LRCH2: variants seen among roughly 807,000 people sequenced by gnomAD.
LRCH2 encodes the protein leucine rich repeats and calponin homology domain containing 2, also known as leucine-rich repeat and calponin homology domain-containing protein 2.
Under a neutral mutation model 68.9 loss-of-function variants are expected in LRCH2, and 38 were observed. That is an observed-to-expected ratio of 0.55 (90% CI 0.43 to 0.72). The LOEUF (loss-of-function observed/expected upper bound fraction) is 0.72. Among genes scored for constraint, LRCH2 ranks in the 30% least tolerant of loss-of-function variants. The pLI is 0.00. For missense variants in LRCH2, 528 were observed against 572.9 expected, an observed-to-expected ratio of 0.92 and a Z score of 0.80; for synonymous variants, 191 against 208.1, an observed-to-expected ratio of 0.92 and a Z score of 0.71.
chrX:115,155,378 C>G (rs782338365), intron 12 of LRCH2, among the ~76,000 whole-genome samples: 1 of 109,918 alleles, frequency 9.1e-6, no homozygotes, highest in Admixed American at 9.8e-5. Context: ...AGCAAACCAT[C>G]AGAGCACATG....
intron 1 of LRCH2, among the ~76,000 whole-genome samples, chrX:115,232,278 G>C (rs1167938482): frequency 9.3e-6 from 1 of 107,558 alleles, no homozygotes; most frequent in Non-Finnish European, 1.9e-5. Context: ...GGAAGAAGAA[G>C]AAAAGAAAAA....
At chrX:115,119,067 G>T (rs1206676517) in intron 20 of LRCH2, among the ~76,000 whole-genome samples, 6 of 111,386 alleles carry the variant, frequency 5.4e-5, no homozygotes, top group Non-Finnish European at 9.4e-5. Context: ...ATATTATAAT[G>T]AATGGGCAAA....
At chrX:115,198,157 G>C (rs1446242814) in intron 1 of LRCH2, among the ~76,000 whole-genome samples, 7 of 107,673 alleles carry the variant, frequency 6.5e-5, no homozygotes, top group African/African-American at 2.4e-4. Flanking sequence ...AATTGAGACT[G>C]CATAAAATGA....
chrX:115,163,981 G>A (rs989283477), intron 10 of LRCH2, among the ~76,000 whole-genome samples, 198 bp from the exon 11 acceptor site: 21 of 111,942 alleles, frequency 1.9e-4, no homozygotes, highest in African/African-American at 6.5e-4. Context: ...CATACTGGCT[G>A]TATTAATATA....
chrX:115,185,169 C>T (rs1308337052), intron 2 of LRCH2, among the ~76,000 whole-genome samples: 1 of 112,166 alleles, frequency 8.9e-6, no homozygotes, highest in East Asian at 2.8e-4. Context: ...AATATAATAA[C>T]TAACATTTAC....
intron 1 of LRCH2, among the ~76,000 whole-genome samples, chrX:115,203,149 C>T (rs782638717): frequency 3.4e-4 from 38 of 111,361 alleles, no homozygotes; most frequent in African/African-American, 1.0e-3. Flanking sequence ...CACAAGATGG[C>T]AGGCAGGGCA....
chrX:115,183,060 G>A (rs1364184494), intron 3 of LRCH2, among the ~76,000 whole-genome samples: 10 of 108,076 alleles, frequency 9.3e-5, no homozygotes, highest in Non-Finnish European at 1.3e-4. Context: ...GCATGCACAC[G>A]CACGCACACG....
At chrX:115,173,947 ATTGT>A (rs782257719) in intron 5 of LRCH2, among the ~76,000 whole-genome samples, 2 of 112,034 alleles carry the variant, frequency 1.8e-5, no homozygotes, top group Admixed American at 1.9e-4. Context: ...AGCTTACTTG[ATTGT>A]AAGAATACAG....
intron 1 of LRCH2, among the ~76,000 whole-genome samples, chrX:115,223,927 GAA>G (rs1191115991): frequency 1.2e-4 from 11 of 93,727 alleles, no homozygotes; most frequent in African/African-American, 2.7e-4. Flanking sequence ...ACTCGGTCTC[GAA>G]AAAAAAAAAA....
intron 16 of LRCH2, among the ~76,000 whole-genome samples, chrX:115,125,474 T>C (rs1243066736): frequency 0.32 from 90 of 277 alleles, no homozygotes; most frequent in East Asian, 0.5. Flanking sequence ...TATATATATA[T>C]ATATATATAT....
intron 5 of LRCH2, among the ~76,000 whole-genome samples, chrX:115,176,191 A>G (rs1556550197): frequency 1.8e-5 from 2 of 112,534 alleles, no homozygotes; most frequent in Non-Finnish European, 3.8e-5. Flanking sequence ...ACCCAGAGGT[A>G]GGACTGTAAT....
In LRCH2 at chrX:115,179,756, G is replaced by A. The variant is rs1056682472; in HGVS notation, c.622-5C>T. 4.7e-5 allele frequency: 48 copies of A among 1,021,729 alleles called. No individual in the cohort carries two copies. The highest frequency in any genetic ancestry group is 5.8e-5 in the Non-Finnish European group (45 of 770,030). 84.2% of individuals were successfully genotyped at this position (1,021,729 alleles called of 1,213,427 possible). On this transcript the variant is annotated splice_region_variant and splice_polypyrimidine_tract_variant and intron_variant, in intron 3 of 20. Transcript: ENST00000317135. ...AATCTCATTGCAGCTAATATCCTAA[G>A]GAGAACAATAAAACAGAATTATAAC...
At chrX:115,167,198 A>AAAAAAC in intron 6 of LRCH2, among the ~76,000 whole-genome samples, 1 of 99,545 alleles carries the variant, frequency 1.0e-5, no homozygotes, top group Non-Finnish European at 2.1e-5. Flanking sequence ...TGCTAAAAAA[A>AAAAAAC]AAAAAAAAAA....
At chrX:115,119,207 T>C (rs1434206916) in intron 20 of LRCH2, among the ~76,000 whole-genome samples, 2 of 109,803 alleles carry the variant, frequency 1.8e-5, no homozygotes, top group Non-Finnish European at 3.8e-5. Context: ...GGTATTCAAT[T>C]AGGAAAAGAG....
At chrX:115,147,569 CTT>C (rs1330741800) in intron 14 of LRCH2, among the ~76,000 whole-genome samples, 1 of 111,148 alleles carries the variant, frequency 9.0e-6, no homozygotes, top group Non-Finnish European at 1.9e-5. Flanking sequence ...CATTTGATCT[CTT>C]TTAATAACTT....
intron 16 of LRCH2, among the ~76,000 whole-genome samples, chrX:115,125,467 A>G (rs1448535917): frequency 0.055 from 4 of 73 alleles, no homozygotes; most frequent in African/African-American, 0.12. Context: ...ATATATATAT[A>G]TATATATATA....
chrX:115,233,435 G>A (rs1328881795), intron 1 of LRCH2, among the ~76,000 whole-genome samples: 2 of 111,822 alleles, frequency 1.8e-5, no homozygotes, highest in South Asian at 3.8e-4. Flanking sequence ...CCAAACTGGG[G>A]AAACTTGCTT....
chrX:115,156,604 C>T lies in LRCH2; in HGVS notation c.1527G>A (p.Lys509=). ...TAAAAACTAAGATATTTTTATACCT[C>T]TTTTCACATTCCACAGTTTGTTTTG... ...NKPKQTVECE[K]SVSADEVNSP... Residue 509 remains lysine (K), a splice_region_variant and synonymous_variant, in exon 12 of 21, where the codon AAG becomes AAA. Coordinates refer to ENST00000317135, the MANE Select transcript of LRCH2 (RefSeq NM_020871.4). The T allele has an allele frequency of 2.7e-6, 3 of 1,128,846 alleles. No homozygotes were observed. The highest frequency in any genetic ancestry group is 3.5e-6 in the Non-Finnish European group (3 of 848,428). The allele number at this position is 1,128,846 out of a possible 1,213,427, so 93.0% of individuals were successfully genotyped here.
In LRCH2 at chrX:115,189,411, C is replaced by A. The variant is rs1178129080; in HGVS notation, c.350-1041G>T. The A allele has an allele frequency of 1.8e-5, 21 of 1,145,747 alleles. No individual in the cohort carries two copies. In the East Asian group the frequency reaches 6.9e-4, roughly 37 times the overall value. The allele number at this position is 1,145,747 out of a possible 1,213,427, so 94.4% of individuals were successfully genotyped here. A position where few individuals can be genotyped will look rare whatever the true frequency, so the allele number is the denominator to read the frequency against. On this transcript the variant is annotated intron_variant, in intron 1 of 20. Coordinates refer to ENST00000317135, the MANE Select transcript of LRCH2 (RefSeq NM_020871.4). ...TGAACTGCCGCGTCATCACTTCCCA[C>A]TTCCTCTGACCCACCATTCGGCAGG...
Sources: allele counts gnomAD v4.1 joint callset (sites outside exome capture counted in the v4.1 genomes callset), GRCh38; gene constraint gnomAD v4.1.1; transcripts MANE v1.5; gene names NCBI Gene and HGNC (gene_info 2026-07-23, HGNC 2026-07-21).